The following FOXJ3 variants were observed in gnomAD, a reference collection of about 807,000 sequenced individuals.
FOXJ3 encodes forkhead box J3.
A neutral mutation model predicts 76.1 loss-of-function variants in FOXJ3; 22 were observed. The observed-to-expected ratio is 0.29, with a 90% CI of 0.21 to 0.41. The LOEUF is 0.41. FOXJ3 is among the 10% of genes least tolerant of loss of function. The probability of loss-of-function intolerance (pLI) is 1.00; values close to 1 mark genes in which losing one functional copy is unlikely to be tolerated. For missense variants in FOXJ3, 613 were observed against 762.1 expected (o/e 0.80, Z 2.30); for synonymous variants, 269 against 261.2 (o/e 1.03, Z -0.29).
intron 4 of FOXJ3, among the ~76,000 whole-genome samples, chr1:42,232,347 G>C (rs928891450): frequency 9.3e-4 from 136 of 146,614 alleles, no homozygotes; most frequent in Middle Eastern, 3.2e-3. Flanking sequence ...GGTATTTCTA[G>C]TTCTAGATCC....
chr1:42,321,776 A>G (rs1432439873), intron 1 of FOXJ3, among the ~76,000 whole-genome samples: 1 of 152,168 alleles, frequency 6.6e-6, no homozygotes, highest in African/African-American at 2.4e-5. Flanking sequence ...GGCCAAAAAC[A>G]GTCAAGTATG....
chr1:42,242,544 T>C (rs1270900566), intron 4 of FOXJ3, among the ~76,000 whole-genome samples: 1 of 147,968 alleles, frequency 6.8e-6, no homozygotes, highest in Non-Finnish European at 1.5e-5. Context: ...ATGAGAGATC[T>C]TTAGAAATAA....
intron 5 of FOXJ3, among the ~76,000 whole-genome samples, chr1:42,219,816 G>T (rs1041848605): frequency 6.6e-6 from 1 of 152,182 alleles, no homozygotes; most frequent in Admixed American, 6.5e-5. Flanking sequence ...TAATCAGGAA[G>T]CTAAACAGTT....
chr1:42,239,913 CCCAGGCATA>C (rs1648990610), intron 4 of FOXJ3, among the ~76,000 whole-genome samples: 1 of 152,132 alleles, frequency 6.6e-6, no homozygotes, highest in East Asian at 1.9e-4. Context: ...AATTACCTTT[CCCAGGCATA>C]ACTCTCTTTA....
intron 5 of FOXJ3, among the ~76,000 whole-genome samples, chr1:42,209,100 G>A (rs922457608): frequency 6.6e-6 from 1 of 152,184 alleles, no homozygotes; most frequent in Non-Finnish European, 1.5e-5. Context: ...AGGAAGCAAT[G>A]AAGTGAAATT....
intron 1 of FOXJ3, among the ~76,000 whole-genome samples, chr1:42,330,763 T>C (rs1404913206): frequency 3.3e-5 from 5 of 152,172 alleles, no homozygotes; most frequent in Admixed American, 6.5e-5. Context: ...GTAGTGGAAA[T>C]AGCACAAATA....
chr1:42,279,361 T>A (rs534110294), intron 2 of FOXJ3, among the ~76,000 whole-genome samples: 10 of 152,176 alleles, frequency 6.6e-5, no homozygotes, highest in South Asian at 4.2e-4. Context: ...TTACTTTTTT[T>A]AAAAAACAAG....
intron 1 of FOXJ3, among the ~76,000 whole-genome samples, chr1:42,317,397 T>C (rs1175328375): frequency 1.3e-5 from 2 of 151,906 alleles, no homozygotes; most frequent in Non-Finnish European, 2.9e-5. Flanking sequence ...AAGGCAGAGG[T>C]GCATCTTGAG....
At chr1:42,217,382 C>T (rs945679309) in intron 5 of FOXJ3, among the ~76,000 whole-genome samples, 3 of 151,866 alleles carry the variant, frequency 2.0e-5, no homozygotes, top group African/African-American at 7.3e-5. Flanking sequence ...CACAAAACTT[C>T]GCTGGGCGTG....
intron 1 of FOXJ3, among the ~76,000 whole-genome samples, chr1:42,330,575 T>C (rs1240871284): frequency 1.3e-5 from 2 of 151,734 alleles, no homozygotes; most frequent in South Asian, 2.1e-4. Context: ...GAGGTTGAGG[T>C]TGCAATGAGC....
At chr1:42,311,675 A>AGTAGTAGTAGTAGTAGTAGTG (rs1553169336) in intron 1 of FOXJ3, among the ~76,000 whole-genome samples, 2 of 152,056 alleles carry the variant, frequency 1.3e-5, no homozygotes, top group Admixed American at 6.6e-5. Flanking sequence ...TAGTAGTAGT[A>AGTAGTAGTAGTAGTAGTAGTG]GTAAAGAGAA....
upstream of FOXJ3, chr1:42,335,544 T>C (rs1403507404): frequency 6.6e-6 from 1 of 152,092 alleles, no homozygotes; most frequent in East Asian, 1.9e-4. Context: ...CTTTGGACCC[T>C]GCCCACGGAT....
chr1:42,326,776 A>G (rs989558376), intron 1 of FOXJ3, among the ~76,000 whole-genome samples: 1 of 152,172 alleles, frequency 6.6e-6, no homozygotes, highest in Non-Finnish European at 1.5e-5. Flanking sequence ...TGATATTATC[A>G]TATGTTCTGC....
At chr1:42,264,716 T>C (rs1651336463) in intron 4 of FOXJ3, among the ~76,000 whole-genome samples, 1 of 152,164 alleles carries the variant, frequency 6.6e-6, no homozygotes, top group Non-Finnish European at 1.5e-5. Context: ...AATACTCTTC[T>C]TGATTACACT....
intron 2 of FOXJ3, among the ~76,000 whole-genome samples, chr1:42,299,948 A>G (rs1408505714): frequency 6.6e-6 from 1 of 152,032 alleles, no homozygotes; most frequent in Non-Finnish European, 1.5e-5. Flanking sequence ...TCACACCGTA[A>G]TCCGAGCACT....
At chr1:42,261,448 G>A (rs777341756) in intron 4 of FOXJ3, among the ~76,000 whole-genome samples, 7 of 151,920 alleles carry the variant, frequency 4.6e-5, no homozygotes, top group Admixed American at 1.3e-4. Context: ...GAAATTAGTT[G>A]TAAAGAGGTG....
chr1:42,242,404 G>A (rs1335381708), intron 4 of FOXJ3, among the ~76,000 whole-genome samples: 1 of 151,798 alleles, frequency 6.6e-6, no homozygotes, highest in African/African-American at 2.4e-5. Flanking sequence ...ATTCACCAGG[G>A]ACAGATATCA....
chr1:42,203,119 G>C (rs1646794426), intron 6 of FOXJ3, among the ~76,000 whole-genome samples: 1 of 152,096 alleles, frequency 6.6e-6, no homozygotes, highest in East Asian at 1.9e-4. Flanking sequence ...TGATGTGTCT[G>C]ATCTGCTATT....
chr1:42,294,328 C>T (rs1653634957), intron 2 of FOXJ3, among the ~76,000 whole-genome samples: 2 of 152,160 alleles, frequency 1.3e-5, no homozygotes, highest in African/African-American at 2.4e-5. Flanking sequence ...ATACTTTGTC[C>T]GTACCAGTAA....
Sources: allele counts gnomAD v4.1 joint callset (sites outside exome capture counted in the v4.1 genomes callset), GRCh38; gene constraint gnomAD v4.1.1; transcripts MANE v1.5; gene names NCBI Gene and HGNC (gene_info 2026-07-23, HGNC 2026-07-21).